Variants in NPAS3 observed in about 807,000 individuals in gnomAD.
The protein encoded by NPAS3 is neuronal PAS domain protein 3.
Under a neutral mutation model 73.1 loss-of-function variants are expected in NPAS3, and 14 were observed. The observed-to-expected ratio is 0.19, with a 90% CI of 0.13 to 0.30. The LOEUF is 0.30. Ranked by LOEUF, NPAS3 falls within the 10% of genes least tolerant of loss-of-function variation. The pLI, the probability that NPAS3 is intolerant of heterozygous loss-of-function variation, is 1.00. For missense variants in NPAS3, 1,096 were observed against 1,250.0 expected, an observed-to-expected ratio of 0.88 and a Z score of 1.86; for synonymous variants, 620 against 541.5, an observed-to-expected ratio of 1.14 and a Z score of -2.01.
chr14:33,069,671 G>A (rs2041414837), intron 2 of NPAS3, among the ~76,000 whole-genome samples: 1 of 152,154 alleles, frequency 6.6e-6, no homozygotes, highest in African/African-American at 2.4e-5. Flanking sequence ...GGGATTAAAT[G>A]AACTAATACA....
chr14:33,445,793 TG>T (rs2049460040), intron 4 of NPAS3, among the ~76,000 whole-genome samples: 1 of 152,250 alleles, frequency 6.6e-6, no homozygotes, highest in Non-Finnish European at 1.5e-5. Context: ...ATGAACTTCT[TG>T]GTTACCCATG....
chr14:33,287,838 C>T (rs1014310326), intron 3 of NPAS3, among the ~76,000 whole-genome samples: 3 of 152,142 alleles, frequency 2.0e-5, no homozygotes, highest in African/African-American at 4.8e-5. Context: ...CTAGAACCAT[C>T]GTTCCTGGAA....
chr14:33,449,971 A>T (rs997148039), intron 4 of NPAS3, among the ~76,000 whole-genome samples: 1 of 152,222 alleles, frequency 6.6e-6, no homozygotes, highest in Non-Finnish European at 1.5e-5. Flanking sequence ...TCAGAAAATT[A>T]ACAACTGAGT....
chr14:33,094,954 G>A (rs1169548088), intron 2 of NPAS3, among the ~76,000 whole-genome samples: 1 of 152,080 alleles, frequency 6.6e-6, no homozygotes, highest in Non-Finnish European at 1.5e-5. Context: ...AGATTTAATG[G>A]ATATGGTTCT....
chr14:33,787,715 T>G (rs1457707739), intron 9 of NPAS3, among the ~76,000 whole-genome samples: 18 of 152,134 alleles, frequency 1.2e-4, no homozygotes, highest in Admixed American at 1.2e-3. Context: ...CCTCGGTTGA[T>G]CCTATGAGCA....
At chr14:33,290,264 T>G (rs75520543) in intron 3 of NPAS3, among the ~76,000 whole-genome samples, 1 of 152,168 alleles carries the variant, frequency 6.6e-6, no homozygotes, top group Non-Finnish European at 1.5e-5. Context: ...ACTAGAGATA[T>G]GAGCATGCTT....
At chr14:33,531,198 T>C (rs1017125810) in intron 4 of NPAS3, among the ~76,000 whole-genome samples, 2 of 152,098 alleles carry the variant, frequency 1.3e-5, no homozygotes, top group African/African-American at 2.4e-5. Flanking sequence ...AAATAGGCTG[T>C]ACTTTCCTTT....
intron 3 of NPAS3, among the ~76,000 whole-genome samples, chr14:33,245,158 T>C (rs1363337621): frequency 2.6e-5 from 4 of 152,186 alleles, no homozygotes; most frequent in Non-Finnish European, 1.5e-5. Context: ...AAATATATTT[T>C]TAGTCATATT....
At chr14:33,544,199 G>A (rs1418997848) in intron 4 of NPAS3, among the ~76,000 whole-genome samples, 8 of 151,838 alleles carry the variant, frequency 5.3e-5, no homozygotes, top group Admixed American at 2.0e-4. Flanking sequence ...CTGAAGTGCC[G>A]TGGCACCATC....
chr14:33,545,402 C>T (rs758689617), intron 4 of NPAS3, among the ~76,000 whole-genome samples: 6 of 152,248 alleles, frequency 3.9e-5, no homozygotes, highest in East Asian at 1.9e-4. Context: ...ACCTGCTGTA[C>T]GATGACACTT....
intron 5 of NPAS3, among the ~76,000 whole-genome samples, chr14:33,661,097 GA>G (rs11297345): frequency 0.67 from 89,152 of 132,448 alleles, 28,694 homozygotes; most frequent in East Asian, 0.93. Flanking sequence ...TCAGTAAAAG[GA>G]AAAAAAAAAA....
chr14:33,348,347 A>G (rs1579702), intron 3 of NPAS3, among the ~76,000 whole-genome samples: 57,773 of 151,878 alleles, frequency 0.38, 11,230 homozygotes, highest in Admixed American at 0.51. Context: ...GAACCTTCTT[A>G]AGCATAGGTA....
chr14:33,394,798 G>C (rs748966337), intron 4 of NPAS3, among the ~76,000 whole-genome samples: 4 of 152,156 alleles, frequency 2.6e-5, no homozygotes, highest in Non-Finnish European at 4.4e-5. Context: ...TAGGTCAAGA[G>C]ATCGATCAGG....
chr14:33,066,964 GCATTATTGTAATTGA>G (rs2041302385), intron 2 of NPAS3, among the ~76,000 whole-genome samples: 1 of 152,186 alleles, frequency 6.6e-6, no homozygotes, highest in Non-Finnish European at 1.5e-5. Context: ...TGGTCTTCAA[GCATTATTGTAATTGA>G]CCCAAGCAAC....
intron 4 of NPAS3, among the ~76,000 whole-genome samples, chr14:33,402,209 T>A (rs1216505879): frequency 6.6e-6 from 1 of 152,062 alleles, no homozygotes; most frequent in Non-Finnish European, 1.5e-5. Context: ...AAAAGCAACA[T>A]TTGCTCAGTT....
intron 2 of NPAS3, among the ~76,000 whole-genome samples, chr14:33,087,193 TGTA>T: frequency 8.1e-6 from 1 of 123,594 alleles, no homozygotes; most frequent in African/African-American, 3.3e-5. Context: ...AATATAATAT[TGTA>T]TAATAATATA....
chr14:33,144,975 A>T (rs117344337), intron 2 of NPAS3, among the ~76,000 whole-genome samples: 2,710 of 152,292 alleles, frequency 0.018, 42 homozygotes, highest in Middle Eastern at 0.041. Flanking sequence ...TCATACTTGA[A>T]TTACAACTTG....
intron 1 of NPAS3, among the ~76,000 whole-genome samples, chr14:33,019,245 C>T (rs1008154502): frequency 3.3e-5 from 5 of 152,236 alleles, no homozygotes; most frequent in African/African-American, 1.2e-4. Flanking sequence ...ACATCTCACT[C>T]CACAGGCAAT....
intron 5 of NPAS3, among the ~76,000 whole-genome samples, chr14:33,653,995 T>C (rs868532186): frequency 7.9e-5 from 12 of 152,152 alleles, no homozygotes; most frequent in Non-Finnish European, 1.5e-4. Context: ...AACTGGGATG[T>C]AGAGATGCTG....
Sources: allele counts gnomAD v4.1 joint callset (sites outside exome capture counted in the v4.1 genomes callset), GRCh38; gene constraint gnomAD v4.1.1; transcripts MANE v1.5; gene names NCBI Gene and HGNC (gene_info 2026-07-23, HGNC 2026-07-21).